Variants in STK38L observed in about 807,000 individuals in gnomAD.
The protein encoded by STK38L is serine/threonine-protein kinase 38-like.
A neutral mutation model predicts 59.7 loss-of-function variants in STK38L; 28 were observed. That is an observed-to-expected ratio of 0.47 (90% confidence interval 0.35 to 0.64). The LOEUF (loss-of-function observed/expected upper bound fraction) is 0.64. Among genes scored for constraint, STK38L ranks in the 30% least tolerant of loss-of-function variants. STK38L has a pLI of 0.01. For synonymous variants in STK38L, 162 were observed against 176.8 expected, an observed-to-expected ratio of 0.92 and a Z score of 0.66; for missense variants, 314 against 555.8, an observed-to-expected ratio of 0.56 and a Z score of 4.37.
At chr12:27,254,161 A>G (rs1187328150) in intron 1 of STK38L, among the ~76,000 whole-genome samples, 1 of 152,224 alleles carries the variant, frequency 6.6e-6, no homozygotes, top group Non-Finnish European at 1.5e-5. Flanking sequence ...CAGCTTCAAG[A>G]GCACCTGACT....
At chr12:27,251,630 C>G (rs748659277) in intron 1 of STK38L, among the ~76,000 whole-genome samples, 1 of 152,172 alleles carries the variant, frequency 6.6e-6, no homozygotes. Flanking sequence ...AGGTTTTTGC[C>G]CTTAGCAATT....
intron 2 of STK38L, among the ~76,000 whole-genome samples, chr12:27,298,771 C>T (rs1013637031): frequency 2.6e-5 from 4 of 152,126 alleles, no homozygotes; most frequent in African/African-American, 9.7e-5. Context: ...ATATTAGAGA[C>T]AGAAGAAATC....
intron 11 of STK38L, among the ~76,000 whole-genome samples, chr12:27,318,947 C>T (rs553698030): frequency 2.0e-5 from 3 of 152,058 alleles, no homozygotes; most frequent in African/African-American, 4.8e-5. Context: ...GCTGAGATCA[C>T]GCCACTGCAC....
chr12:27,271,283 C>T (rs191150133), intron 1 of STK38L, among the ~76,000 whole-genome samples: 1 of 152,144 alleles, frequency 6.6e-6, no homozygotes, highest in Non-Finnish European at 1.5e-5. Flanking sequence ...AAAGAATTCA[C>T]CTAAGACTTT....
intron 1 of STK38L, among the ~76,000 whole-genome samples, chr12:27,268,857 C>G (rs373439701): frequency 0.044 from 6,637 of 152,160 alleles, 175 homozygotes; most frequent in Non-Finnish European, 0.061. Flanking sequence ...ATTTGCATTT[C>G]TCTGATGGCC....
intron 2 of STK38L, 94 bp from the exon 3 acceptor site, chr12:27,302,043 C>G: frequency 1.1e-6 from 1 of 888,910 alleles, no homozygotes; most frequent in Non-Finnish European, 1.6e-6. Context: ...GCCTAGCAAG[C>G]TGAAGTGGTT....
At chr12:27,248,883 A>T (rs1942913951) in intron 1 of STK38L, among the ~76,000 whole-genome samples, 2 of 152,248 alleles carry the variant, frequency 1.3e-5, no homozygotes. Flanking sequence ...ACCTTAAATT[A>T]ATAGTGATGG....
chr12:27,252,954 G>A (rs1040416477), intron 1 of STK38L, among the ~76,000 whole-genome samples: 2 of 152,202 alleles, frequency 1.3e-5, no homozygotes, highest in Admixed American at 6.5e-5. Flanking sequence ...GAGGTATAAT[G>A]TATGGGTACA....
intron 6 of STK38L, among the ~76,000 whole-genome samples, chr12:27,312,897 A>G (rs1944488971): frequency 1.3e-5 from 2 of 152,230 alleles, no homozygotes; most frequent in Non-Finnish European, 2.9e-5. Context: ...TTCTGGGTTC[A>G]CTGTATATAA....
intron 11 of STK38L, among the ~76,000 whole-genome samples, chr12:27,318,985 C>T (rs796076530): frequency 2.0e-5 from 3 of 151,978 alleles, no homozygotes; most frequent in Admixed American, 6.5e-5. Flanking sequence ...AGCGAGACTC[C>T]GTCTCACAAA....
At chr12:27,250,828 G>A (rs1371675006) in intron 1 of STK38L, among the ~76,000 whole-genome samples, 5 of 151,790 alleles carry the variant, frequency 3.3e-5, no homozygotes, top group South Asian at 2.1e-4. Flanking sequence ...GCCAAACCTC[G>A]TCTCTACTAA....
chr12:27,302,886 G>A (rs1207737865), intron 3 of STK38L, among the ~76,000 whole-genome samples: 2 of 151,660 alleles, frequency 1.3e-5, no homozygotes, highest in African/African-American at 4.8e-5. Context: ...GGTGGCAGGC[G>A]CCTGTAGTCC....
intron 5 of STK38L, among the ~76,000 whole-genome samples, chr12:27,311,351 C>T (rs1216558513): frequency 6.6e-6 from 1 of 152,174 alleles, no homozygotes; most frequent in East Asian, 1.9e-4. Flanking sequence ...AGAATATTTA[C>T]TGCACTAGGA....
At chr12:27,272,550 A>C (rs1943446327) in intron 1 of STK38L, among the ~76,000 whole-genome samples, 1 of 152,198 alleles carries the variant, frequency 6.6e-6, no homozygotes, top group Admixed American at 6.5e-5. Context: ...CACAGATTGA[A>C]TTCCATATTT....
chr12:27,314,492 T>C lies in STK38L; in HGVS notation c.518-12T>C. On this transcript the variant is annotated splice_polypyrimidine_tract_variant and intron_variant, in intron 6 of 13. Transcript: ENST00000389032. Reference sequence around the variant, plus strand: ...TTTTCAATAATAATATATTTGACTATCCTTTATTTAGGTGACATGATGACA... The same window carrying C: ...TTTTCAATAATAATATATTTGACTACCCTTTATTTAGGTGACATGATGACA... 3 of 1,518,100 alleles carry C rather than the reference T, an allele frequency of 2.0e-6. No individual in the cohort carries two copies. Among genetic ancestry groups the C allele is most frequent in the Non-Finnish European group, 1.8e-6 (2 of 1,131,174 alleles). 94.0% of individuals were successfully genotyped at this position (1,518,100 alleles called of 1,614,324 possible).
At chr12:27,290,492 T>G (rs939405631) in intron 1 of STK38L, among the ~76,000 whole-genome samples, 1 of 152,194 alleles carries the variant, frequency 6.6e-6, no homozygotes, top group Non-Finnish European at 1.5e-5. Flanking sequence ...TAAACTAGCT[T>G]TTCTTATACT....
intron 1 of STK38L, among the ~76,000 whole-genome samples, chr12:27,280,858 A>C (rs1943639083): frequency 6.6e-6 from 1 of 152,236 alleles, no homozygotes. Context: ...TGTTTGGGCA[A>C]GAAGGGCAGT....
intron 1 of STK38L, among the ~76,000 whole-genome samples, chr12:27,248,307 T>C (rs887088124): frequency 1.3e-5 from 2 of 152,220 alleles, no homozygotes; most frequent in Non-Finnish European, 2.9e-5. Flanking sequence ...CCATCACTGA[T>C]ACTTTATGTT....
chr12:27,274,148 G>A (rs1452602068), intron 1 of STK38L, among the ~76,000 whole-genome samples: 1 of 151,106 alleles, frequency 6.6e-6, no homozygotes, highest in African/African-American at 2.4e-5. Flanking sequence ...AGTTACTCGG[G>A]AAGCTGAGGC....
Sources: gnomAD v4.1 joint callset for allele counts (sites outside exome capture counted in the v4.1 genomes callset) on GRCh38, gnomAD v4.1.1 for gene constraint, MANE v1.5 for transcripts, NCBI Gene and HGNC (gene_info 2026-07-23, HGNC 2026-07-21) for gene names.